SPTBN4: variants seen among roughly 807,000 people sequenced by gnomAD.
SPTBN4 encodes the protein spectrin beta chain, non-erythrocytic 4.
Under a neutral mutation model 277.8 loss-of-function variants are expected in SPTBN4, and 96 were observed. The observed-to-expected ratio is 0.35, with a 90% CI of 0.29 to 0.41. The LOEUF is 0.41. Ranked by LOEUF, SPTBN4 falls within the 10% of genes least tolerant of loss-of-function variation. SPTBN4 has a pLI of 1.00. For missense variants in SPTBN4, 3,006 were observed against 3,595.7 expected, an observed-to-expected ratio of 0.84 and a Z score of 4.19; for synonymous variants, 1,481 against 1,580.3, an observed-to-expected ratio of 0.94 and a Z score of 1.49.
rs1245186878 is a variant in SPTBN4 at position 40,515,321 on chromosome 19, C to T, written c.2776C>T (p.Leu926=). Residue 926 remains leucine (L), a synonymous_variant, in exon 15 of 36, where the codon CTG becomes TTG. Transcript: ENST00000598249. The surrounding 1 kb of genome is among the most constrained non-coding windows in gnomAD (Gnocchi z 4.1). Reference sequence around the variant, plus strand: ...TCCATCCTCCTGCAGATTCGAGAGCCTGGACCAAGAGATGAACAGCCTGAT... The same window carrying T: ...TCCATCCTCCTGCAGATTCGAGAGCTTGGACCAAGAGATGAACAGCCTGAT... ...VEVVQHRFES[L]DQEMNSLMGR... 2.5e-6 allele frequency: 4 copies of T among 1,612,906 alleles called. No homozygotes were observed. Among genetic ancestry groups the T allele is most frequent in the Non-Finnish European group, 3.4e-6 (4 of 1,179,606 alleles).
chr19:40,556,029 G>A (rs1241165734), intron 24 of SPTBN4, 55 bp from the exon 25 acceptor site: 53 of 1,511,618 alleles, frequency 3.5e-5, no homozygotes, highest in Non-Finnish European at 2.8e-5. Context: ...GGGGGGTCAC[G>A]CTCTGCCCCA....
In SPTBN4 at chr19:40,557,384, T is replaced by A; in HGVS notation, c.5651T>A (p.Leu1884Gln). ...ACCCTGAGAGCCTTTGAGCATGACC[T>A]GCAGCTCCTCGTGTCCCAGGTGGGG... ...QRTLRAFEHD[L>Q]QLLVSQVRQL... is the part of the protein sequence containing the mutation. Residue 1884 changes from leucine (L) to glutamine (Q), a missense_variant, in exon 26 of 36, where the codon CTG becomes CAG. Transcript: ENST00000598249. 6.4e-7 allele frequency: 1 copy of A among 1,573,964 alleles called. No individual in the cohort carries two copies. The highest frequency in any genetic ancestry group is 8.7e-7 in the Non-Finnish European group (1 of 1,155,754).
Position 40,551,886 on chromosome 19 carries a change from T to C in SPTBN4, c.4674+1559T>C, listed in dbSNP as rs187380758. ...GAAGGTGCCTGTAATCCCAGCTACC[T>C]GGGAGGCTGAGGCAGGAGAATTGCT... On this transcript the variant is annotated intron_variant, in intron 22 of 35. Coordinates refer to ENST00000598249, the MANE Select transcript of SPTBN4 (RefSeq NM_020971.3). Among the ~76,000 whole-genome samples, 1,031 of 150,814 alleles carry C rather than the reference T, an allele frequency of 6.8e-3. 15 individuals carry two copies. The highest frequency in any genetic ancestry group is 0.024 in the African/African-American group (994 of 40,928).
chr19:40,544,375 C>G (rs909163919), intron 20 of SPTBN4, among the ~76,000 whole-genome samples: 3 of 147,770 alleles, frequency 2.0e-5, no homozygotes, highest in Non-Finnish European at 4.5e-5. Flanking sequence ...ATCTCTTGAC[C>G]TCGTGATCCG....
At chr19:40,575,282 C>G in intron 35 of SPTBN4, 129 bp from the exon 36 acceptor site, 1 of 1,117,278 alleles carries the variant, frequency 9.0e-7, no homozygotes, top group Non-Finnish European at 1.2e-6. Context: ...GTAACTGCAT[C>G]ATCATCATCA....
chr19:40,482,224 A>G (rs1159245488), intron 2 of SPTBN4, among the ~76,000 whole-genome samples: 1 of 152,122 alleles, frequency 6.6e-6, no homozygotes, highest in Non-Finnish European at 1.5e-5. Flanking sequence ...GGCGTGAGCC[A>G]CCATGCCTGG....
intron 13 of SPTBN4, among the ~76,000 whole-genome samples, chr19:40,507,490 G>A (rs962256990): frequency 4.9e-4 from 74 of 151,528 alleles, no homozygotes; most frequent in African/African-American, 1.7e-3. Context: ...GATTGCTTGA[G>A]GCCAGGAGTT....
intron 5 of SPTBN4, among the ~76,000 whole-genome samples, chr19:40,493,460 G>A (rs949082429): frequency 1.4e-4 from 22 of 152,192 alleles, no homozygotes; most frequent in Admixed American, 9.8e-4. Flanking sequence ...CTGTCACTTT[G>A]GGAGAATGAG....
intron 2 of SPTBN4, among the ~76,000 whole-genome samples, chr19:40,482,280 A>G (rs1378558654): frequency 6.6e-6 from 1 of 151,424 alleles, no homozygotes; most frequent in Non-Finnish European, 1.5e-5. Context: ...TATGTTGCCA[A>G]GGCTGGTGTG....
Position 40,513,078 on chromosome 19 carries a change from G to T in SPTBN4, c.2289G>T (p.Ala763=), listed in dbSNP as rs1160312535. 1.4e-6 allele frequency: 2 copies of T among 1,410,354 alleles called. No homozygotes were observed. The highest frequency in any genetic ancestry group is 3.0e-5 in the South Asian group (2 of 67,078). 87.4% of individuals were successfully genotyped at this position (1,410,354 alleles called of 1,614,324 possible). A position where few individuals can be genotyped will look rare whatever the true frequency, so the allele number is the denominator to read the frequency against. Residue 763 remains alanine, a synonymous_variant, in exon 14 of 36, where the codon GCG becomes GCT. Transcript: ENST00000598249. ...GGCAGAGGCTGGAAGAGGCGGCGGC[G>T]CGGCGAGAGCGGCGGCTGCAGGAGG... The part of the protein sequence containing the change: ...RRWQRLEEAA[A]RRERRLQEAR...
intron 5 of SPTBN4, among the ~76,000 whole-genome samples, chr19:40,493,958 C>G (rs1348085957): frequency 6.6e-6 from 1 of 152,200 alleles, no homozygotes; most frequent in African/African-American, 2.4e-5. Flanking sequence ...TGAGCATCTC[C>G]CTTCTGCCTC....
At chr19:40,495,707 C>G (rs1198983791) in intron 6 of SPTBN4, among the ~76,000 whole-genome samples, 4 of 152,036 alleles carry the variant, frequency 2.6e-5, no homozygotes, top group Non-Finnish European at 5.9e-5. Context: ...TCAAAGTGAG[C>G]CCTTAGAGTC....
chr19:40,568,521 C>T (rs1029438778), intron 31 of SPTBN4, among the ~76,000 whole-genome samples: 2 of 152,206 alleles, frequency 1.3e-5, no homozygotes, highest in African/African-American at 4.8e-5. Flanking sequence ...TTTCTCCAGA[C>T]GTAGGTTCTC....
Position 40,550,763 on chromosome 19 carries a change from C to T in SPTBN4, c.4674+436C>T, listed in dbSNP as rs182964093. Among the ~76,000 whole-genome samples the T allele has an allele frequency of 2.0e-5, 3 of 152,270 alleles. No individual in the cohort carries two copies. The East Asian group carries it at 5.8e-4, about 29-fold the overall frequency. ...CGAACTCCTGGCCTCAAGTGATCCA[C>T]TCGCCTCAGCCTCCCAAAGTGCTGA... is the stretch of plus-strand genomic sequence containing the variant. On this transcript the variant is annotated intron_variant, in intron 22 of 35. Coordinates refer to ENST00000598249, the MANE Select transcript of SPTBN4 (RefSeq NM_020971.3).
At position 40,566,152 on chromosome 19, in the gene SPTBN4, C is replaced by T. The variant is rs2081089803; in HGVS notation, c.6140-11C>T. The T allele has an allele frequency of 6.7e-7, 1 of 1,496,096 alleles. No individual in the cohort carries two copies. Among genetic ancestry groups the T allele is most frequent in the Non-Finnish European group, 9.0e-7 (1 of 1,116,544 alleles). 92.7% of individuals were successfully genotyped at this position (1,496,096 alleles called of 1,614,324 possible). A position where few individuals can be genotyped will look rare whatever the true frequency, so the allele number is the denominator to read the frequency against. On this transcript the variant is annotated splice_polypyrimidine_tract_variant and intron_variant, in intron 29 of 35. Transcript: ENST00000598249. Reference sequence around the variant, plus strand: ...TGCCCCAGAATCCTTACCCTGCATGCCCCTCCTCAGTGCTGGAGGTGCACC... The same window carrying T: ...TGCCCCAGAATCCTTACCCTGCATGTCCCTCCTCAGTGCTGGAGGTGCACC...
chr19:40,535,489 C>T (rs1222194064), intron 20 of SPTBN4, among the ~76,000 whole-genome samples: 2 of 151,780 alleles, frequency 1.3e-5, no homozygotes, highest in African/African-American at 4.8e-5. Context: ...CAGTCCAGTG[C>T]CCTTGACTCT....
chr19:40,521,642 C>A (rs1043647628), intron 16 of SPTBN4, among the ~76,000 whole-genome samples: 1 of 152,194 alleles, frequency 6.6e-6, no homozygotes, highest in Non-Finnish European at 1.5e-5. Flanking sequence ...CTCGCCCCCC[C>A]TCCACCTCCT....
intron 7 of SPTBN4, among the ~76,000 whole-genome samples, chr19:40,498,645 T>G (rs530609971): frequency 1.9e-4 from 29 of 151,918 alleles, no homozygotes; most frequent in African/African-American, 6.5e-4. Context: ...GACCTTATGG[T>G]CCACCTCCTT....
At chr19:40,509,043 C>T (rs533660901) in intron 13 of SPTBN4, among the ~76,000 whole-genome samples, 6 of 147,186 alleles carry the variant, frequency 4.1e-5, no homozygotes, top group East Asian at 4.0e-4. Context: ...CTGATATGAG[C>T]GTTCTGTGAG....
Sources: allele counts gnomAD v4.1 joint callset (sites outside exome capture counted in the v4.1 genomes callset), GRCh38; gene constraint gnomAD v4.1.1; non-coding constraint Gnocchi (gnomAD v3.1); transcripts MANE v1.5; gene names NCBI Gene and HGNC (gene_info 2026-07-23, HGNC 2026-07-21).